ABCD3: variants seen among roughly 807,000 people sequenced by gnomAD.
ABCD3 encodes ATP-binding cassette sub-family D member 3.
ABCD3 carries 41 observed loss-of-function variants against 105.5 expected under a neutral mutation model. The ratio of observed to expected loss-of-function variants is 0.39; its 90% CI spans 0.30 to 0.50. ABCD3 has a LOEUF of 0.50. Among genes scored for constraint, ABCD3 ranks in the 20% least tolerant of loss-of-function variants. ABCD3 has a pLI of 0.84. For missense variants in ABCD3, 622 were observed against 806.3 expected, an observed-to-expected ratio of 0.77 and a Z score of 2.77; for synonymous variants, 258 against 269.0, an observed-to-expected ratio of 0.96 and a Z score of 0.40.
chr1:94,431,696 G>A (rs993333354), intron 1 of ABCD3, among the ~76,000 whole-genome samples: 1 of 152,070 alleles, frequency 6.6e-6, no homozygotes, highest in African/African-American at 2.4e-5. Flanking sequence ...GAGTAGCTGG[G>A]ACTATAGGTG....
chr1:94,447,163 T>G (rs575035798), intron 1 of ABCD3, among the ~76,000 whole-genome samples: 1 of 152,308 alleles, frequency 6.6e-6, no homozygotes, highest in Admixed American at 6.5e-5. Flanking sequence ...GATAGAACAA[T>G]GGCCACTAAG....
intron 1 of ABCD3, among the ~76,000 whole-genome samples, chr1:94,435,838 C>T (rs910272715): frequency 3.9e-5 from 6 of 152,178 alleles, no homozygotes; most frequent in African/African-American, 1.4e-4. Context: ...CCAGTGAGTT[C>T]TTCTTGTCAT....
At chr1:94,396,729 T>C in the ABCD3 span, among the ~76,000 whole-genome samples, 3 of 152,218 alleles carry the variant, frequency 2.0e-5, no homozygotes, top group Admixed American at 6.5e-5. Context: ...TGAAATTGTA[T>C]TGAGTTGCTT....
At chr1:94,385,701 A>G in the ABCD3 span, among the ~76,000 whole-genome samples, 2 of 152,240 alleles carry the variant, frequency 1.3e-5, no homozygotes, top group African/African-American at 4.8e-5. Context: ...CAAAGCTCCT[A>G]TGTCTAACTT....
intron 2 of ABCD3, among the ~76,000 whole-genome samples, chr1:94,462,520 G>A (rs971713004): frequency 6.6e-6 from 1 of 152,110 alleles, no homozygotes; most frequent in African/African-American, 2.4e-5. Flanking sequence ...GGATTGAAAC[G>A]TAATGAAAAT....
intron 2 of ABCD3, among the ~76,000 whole-genome samples, chr1:94,460,634 A>G (rs1030409740): frequency 6.6e-6 from 1 of 152,152 alleles, no homozygotes. Context: ...ACAATTTAAC[A>G]TGACGTACTT....
At chr1:94,500,399 C>T (rs1226130885) in intron 20 of ABCD3, among the ~76,000 whole-genome samples, 2 of 152,038 alleles carry the variant, frequency 1.3e-5, no homozygotes, top group African/African-American at 2.4e-5. Context: ...TGATCACACA[C>T]CGTGGCACTC....
chr1:94,465,385 CAAG>C (rs746644354), intron 3 of ABCD3, among the ~76,000 whole-genome samples: 2 of 152,208 alleles, frequency 1.3e-5, no homozygotes, highest in Middle Eastern at 3.4e-3. Flanking sequence ...CTCTGTAGGT[CAAG>C]AAGATTACTA....
At chr1:94,484,396 A>G (rs1649179618) in intron 10 of ABCD3, among the ~76,000 whole-genome samples, 1 of 152,270 alleles carries the variant, frequency 6.6e-6, no homozygotes, top group African/African-American at 2.4e-5. Context: ...CCGAATGTCC[A>G]TCAGTGATAG....
chr1:94,405,586 G>A, the ABCD3 span, among the ~76,000 whole-genome samples: 1 of 152,208 alleles, frequency 6.6e-6, no homozygotes, highest in Non-Finnish European at 1.5e-5. Flanking sequence ...TTACAGGCAT[G>A]AGACACCGCC....
rs1258622231 is a variant in ABCD3, at chr1:94,517,207, A to G, written c.*78A>G. ...AGAAAGGCAAAGTACATTGTAAAAT[A>G]AAGTTGAGCTTAGTTTTTTTTAAAA... On this transcript the variant is annotated 3_prime_UTR_variant, in exon 23 of 23. Transcript: ENST00000370214. 4 of 1,114,866 alleles carry G rather than the reference A, an allele frequency of 3.6e-6. No individual in the cohort carries two copies. The African/African-American group carries it at 4.6e-5, about 13-fold the overall frequency. 69.1% of individuals were successfully genotyped at this position (1,114,866 alleles called of 1,614,324 possible).
In ABCD3 at chr1:94,467,052, C is replaced by T. The variant is rs78962514; in HGVS notation, c.247-867C>T. 8.2e-3 allele frequency among the ~76,000 whole-genome samples: 1,253 copies of T among 152,238 alleles called. 14 individuals are homozygous for T. Among genetic ancestry groups the T allele is most frequent in the African/African-American group, 0.029 (1,201 of 41,528 alleles). ...CCAGTCACCCAGCATCTTGACTTTC[C>T]CTGCTTCGTAATCTGTCTTGCACAG... On this transcript the variant is annotated intron_variant, in intron 3 of 22. Coordinates refer to ENST00000370214, the MANE Select transcript of ABCD3 (RefSeq NM_002858.4).
intron 16 of ABCD3, among the ~76,000 whole-genome samples, chr1:94,496,702 T>TG (rs1649819875): frequency 7.5e-6 from 1 of 133,634 alleles, no homozygotes; most frequent in Non-Finnish European, 1.6e-5. Context: ...CTGTTTTTTT[T>TG]TTTTTTTTTT....
chr1:94,471,865 A>G (rs923208363), intron 4 of ABCD3, among the ~76,000 whole-genome samples: 1 of 152,134 alleles, frequency 6.6e-6, no homozygotes, highest in African/African-American at 2.4e-5. Context: ...CTTCATTTTA[A>G]TATCCTTTTC....
At chr1:94,393,017 C>A in the ABCD3 span, among the ~76,000 whole-genome samples, 1 of 151,690 alleles carries the variant, frequency 6.6e-6, no homozygotes, top group Non-Finnish European at 1.5e-5. Context: ...GAGGCTGAGG[C>A]AGGAGAATCA....
chr1:94,512,315 A>G (rs971950159), intron 21 of ABCD3, among the ~76,000 whole-genome samples: 2 of 151,842 alleles, frequency 1.3e-5, no homozygotes, highest in African/African-American at 4.8e-5. Flanking sequence ...AAGATATCTC[A>G]TTGATATATA....
intron 16 of ABCD3, among the ~76,000 whole-genome samples, chr1:94,494,348 C>T (rs1649694557): frequency 6.6e-6 from 1 of 152,116 alleles, no homozygotes; most frequent in Admixed American, 6.6e-5. Flanking sequence ...CTTGTTTTCT[C>T]CTCCCCTGGG....
the ABCD3 span, among the ~76,000 whole-genome samples, chr1:94,391,240 T>C: frequency 2.0e-5 from 3 of 152,200 alleles, no homozygotes; most frequent in Non-Finnish European, 4.4e-5. Flanking sequence ...CAGCTCTTGA[T>C]GTATTCTTTT....
intron 1 of ABCD3, among the ~76,000 whole-genome samples, chr1:94,443,165 G>A (rs1660193856): frequency 6.6e-6 from 1 of 152,120 alleles, no homozygotes; most frequent in Admixed American, 6.5e-5. Context: ...ATTTTGACTG[G>A]TATAGGATGG....
Sources: allele counts gnomAD v4.1 joint callset (sites outside exome capture counted in the v4.1 genomes callset), GRCh38; gene constraint gnomAD v4.1.1; transcripts MANE v1.5; gene names NCBI Gene and HGNC (gene_info 2026-07-23, HGNC 2026-07-21).